Variants in CADM1 observed in about 807,000 individuals in gnomAD.
CADM1 encodes cell adhesion molecule 1, also known as TSLC-1.
In CADM1, 15 loss-of-function variants were observed where a neutral mutation model predicts 53.1. The ratio of observed to expected loss-of-function variants is 0.28; its 90% CI spans 0.19 to 0.44. The LOEUF (loss-of-function observed/expected upper bound fraction) is 0.44. Among genes scored for constraint, CADM1 ranks in the 20% least tolerant of loss-of-function variants. The pLI, the probability that CADM1 is intolerant of heterozygous loss-of-function variation, is 1.00. For synonymous variants in CADM1, 281 were observed against 243.0 expected (o/e 1.16, Z -1.45); for missense variants, 434 against 611.3 (o/e 0.71, Z 3.06).
intron 4 of CADM1, among the ~76,000 whole-genome samples, chr11:115,230,176 A>G (rs1941764738): frequency 6.6e-6 from 1 of 152,206 alleles, no homozygotes; most frequent in South Asian, 2.1e-4. Flanking sequence ...AAACAGAACA[A>G]GCTTCTTGAA....
chr11:115,177,643 C>G (rs906284319), intron 11 of CADM1, among the ~76,000 whole-genome samples: 1 of 151,844 alleles, frequency 6.6e-6, no homozygotes, highest in Non-Finnish European at 1.5e-5. Context: ...CGGATGCTGC[C>G]CTGCTCTCTG....
chr11:115,305,900 C>CAA (rs35517673), intron 1 of CADM1, among the ~76,000 whole-genome samples: 83 of 80,644 alleles, frequency 1.0e-3, no homozygotes, highest in Middle Eastern at 6.5e-3. Flanking sequence ...GACTCCATCT[C>CAA]AAAAAAAAAA....
intron 3 of CADM1, among the ~76,000 whole-genome samples, chr11:115,237,949 C>T (rs895008706): frequency 6.6e-6 from 1 of 152,164 alleles, no homozygotes. Flanking sequence ...CTTTTATGTC[C>T]AATGACTGCA....
chr11:115,310,990 A>G (rs1423116528), intron 1 of CADM1, among the ~76,000 whole-genome samples: 1 of 152,178 alleles, frequency 6.6e-6, no homozygotes, highest in Non-Finnish European at 1.5e-5. Flanking sequence ...TGTTACAGGC[A>G]TTACATGCTG....
At chr11:115,223,717 G>T (rs1278135421) in intron 5 of CADM1, among the ~76,000 whole-genome samples, 2 of 152,020 alleles carry the variant, frequency 1.3e-5, no homozygotes, top group Non-Finnish European at 2.9e-5. Flanking sequence ...TGACACTTTT[G>T]GTACTGCAGA....
chr11:115,198,375 G>C, intron 9 of CADM1, 31 bp downstream of exon 9: 1 of 1,573,106 alleles, frequency 6.4e-7, no homozygotes, highest in Non-Finnish European at 8.6e-7. Context: ...GCAGTGCTGA[G>C]AAAGTAGATA....
intron 1 of CADM1, among the ~76,000 whole-genome samples, chr11:115,421,087 T>C (rs1197088370): frequency 6.6e-6 from 1 of 152,198 alleles, no homozygotes; most frequent in Non-Finnish European, 1.5e-5. Context: ...CAAACTGCAA[T>C]TATTTTCTAC....
intron 1 of CADM1, among the ~76,000 whole-genome samples, chr11:115,310,168 G>A (rs1944493794): frequency 6.6e-6 from 1 of 152,040 alleles, no homozygotes; most frequent in South Asian, 2.1e-4. Flanking sequence ...ATATTCATAA[G>A]TAAAAGGTCA....
intron 1 of CADM1, among the ~76,000 whole-genome samples, chr11:115,264,943 T>C (rs1359105450): frequency 6.6e-6 from 1 of 152,122 alleles, no homozygotes; most frequent in Non-Finnish European, 1.5e-5. Flanking sequence ...AAGGGTGCCA[T>C]GAAGGTAAGT....
At chr11:115,458,493 AATTATT>A (rs67114126) in intron 1 of CADM1, among the ~76,000 whole-genome samples, 55,469 of 143,368 alleles carry the variant, frequency 0.39, 11,154 homozygotes, top group Non-Finnish European at 0.47. Context: ...TGTTAGCTGT[AATTATT>A]ATTATTATTA....
intron 4 of CADM1, among the ~76,000 whole-genome samples, chr11:115,230,813 G>T (rs1357696991): frequency 6.6e-6 from 1 of 152,242 alleles, no homozygotes; most frequent in Non-Finnish European, 1.5e-5. Flanking sequence ...CAATTTAGAT[G>T]AAACTGTTAG....
intron 1 of CADM1, among the ~76,000 whole-genome samples, chr11:115,458,935 T>A (rs1948736819): frequency 6.6e-6 from 1 of 152,178 alleles, no homozygotes; most frequent in South Asian, 2.1e-4. Context: ...CCCTTTTCAC[T>A]TCATCTTTGC....
intron 1 of CADM1, among the ~76,000 whole-genome samples, chr11:115,493,427 A>G (rs865914977): frequency 5.9e-5 from 9 of 152,296 alleles, no homozygotes; most frequent in Non-Finnish European, 1.0e-4. Flanking sequence ...AGGTTTACCA[A>G]TGCTGCTCAA....
chr11:115,458,189 T>G (rs548644637), intron 1 of CADM1, among the ~76,000 whole-genome samples: 7 of 152,196 alleles, frequency 4.6e-5, no homozygotes, highest in Non-Finnish European at 1.0e-4. Flanking sequence ...AATGCTCATA[T>G]GTAGTGAGGA....
chr11:115,481,121 T>C (rs1949249167), intron 1 of CADM1, among the ~76,000 whole-genome samples: 1 of 152,170 alleles, frequency 6.6e-6, no homozygotes, highest in Non-Finnish European at 1.5e-5. Context: ...TCCAGTCCCC[T>C]TCTCCCTCAC....
At chr11:115,274,656 G>A (rs1028885196) in intron 1 of CADM1, among the ~76,000 whole-genome samples, 2 of 152,218 alleles carry the variant, frequency 1.3e-5, no homozygotes, top group Non-Finnish European at 2.9e-5. Flanking sequence ...TGAACGTGTA[G>A]TAAAGAAGGT....
rs1938823962 is a variant in CADM1, at chr11:115,172,480, G to C, written c.*3994C>G. 1 of 152,138 alleles carries C rather than the reference G, an allele frequency of 6.6e-6. No homozygotes were observed. The highest frequency in any genetic ancestry group is 6.5e-5 in the Admixed American group (1 of 15,270). 9.4% of individuals were successfully genotyped at this position (152,138 alleles called of 1,614,324 possible). A position where few individuals can be genotyped will look rare whatever the true frequency, so the allele number is the denominator to read the frequency against. ...GAAACCATCCTTTAAGATCCAGCTG[G>C]GGTCCCAGCTCTTTGTGAAGCTGTC... On this transcript the variant is annotated 3_prime_UTR_variant, in exon 12 of 12. Coordinates refer to ENST00000331581, the MANE Select transcript of CADM1 (RefSeq NM_001301043.2).
intron 1 of CADM1, among the ~76,000 whole-genome samples, chr11:115,265,965 T>A (rs927373737): frequency 2.0e-5 from 3 of 152,160 alleles, no homozygotes; most frequent in Admixed American, 6.5e-5. Flanking sequence ...TTGTTAGAAA[T>A]GCAAACTCTT....
chr11:115,485,962 A>G (rs754958381), intron 1 of CADM1, among the ~76,000 whole-genome samples: 3 of 152,122 alleles, frequency 2.0e-5, no homozygotes, highest in Non-Finnish European at 4.4e-5. Context: ...CCCTTACTAA[A>G]CCCACATATA....
Sources: allele counts gnomAD v4.1 joint callset (sites outside exome capture counted in the v4.1 genomes callset), GRCh38; gene constraint gnomAD v4.1.1; transcripts MANE v1.5; gene names NCBI Gene and HGNC (gene_info 2026-07-23, HGNC 2026-07-21).